NCF2: variants seen among roughly 807,000 people sequenced by gnomAD.
NCF2 encodes neutrophil cytosol factor 2.
Under a neutral mutation model 70.9 loss-of-function variants are expected in NCF2, and 45 were observed. The observed-to-expected ratio is 0.63, with a 90% CI of 0.50 to 0.81. The LOEUF (loss-of-function observed/expected upper bound fraction) is 0.81. NCF2 is among the 40% of genes least tolerant of loss of function. The probability of loss-of-function intolerance (pLI) is 0.00; values close to 1 mark genes in which losing one functional copy is unlikely to be tolerated. For missense variants in NCF2, 522 were observed against 631.6 expected (o/e 0.83, Z 1.86); for synonymous variants, 203 against 233.6 (o/e 0.87, Z 1.19).
chr1:183,579,735 T>A, intron 2 of NCF2, among the ~76,000 whole-genome samples: 1 of 71,900 alleles, frequency 1.4e-5, no homozygotes, highest in Non-Finnish European at 2.3e-5. Flanking sequence ...TGAGACTCTG[T>A]CTCAAAAAAA....
At chr1:183,575,008 C>T (rs1672733904) in intron 3 of NCF2, among the ~76,000 whole-genome samples, 1 of 152,218 alleles carries the variant, frequency 6.6e-6, no homozygotes, top group Non-Finnish European at 1.5e-5. Flanking sequence ...TAGAGGCAGA[C>T]ACAGGGTTGG....
At chr1:183,594,263 C>T (rs1408415253), upstream of NCF2, among the ~76,000 whole-genome samples, 1 of 131,484 alleles carries the variant, frequency 7.6e-6, no homozygotes, top group African/African-American at 2.9e-5. Flanking sequence ...TAAAAATTAG[C>T]CAGGCATGGT....
chr1:183,558,743 T>C (rs1410012397), intron 14 of NCF2, among the ~76,000 whole-genome samples: 1 of 151,042 alleles, frequency 6.6e-6, no homozygotes, highest in African/African-American at 2.4e-5. Context: ...TTTTACATTT[T>C]TAGTAGAGAT....
At chr1:183,590,077 G>C (rs1157293521) in intron 1 of NCF2, 79 bp downstream of exon 1, 3 of 1,596,412 alleles carry the variant, frequency 1.9e-6, no homozygotes, top group Middle Eastern at 1.7e-4. Context: ...CCAGAGGTTA[G>C]GTTTCCGAAA....
At chr1:183,585,279 G>A (rs1396020477) in intron 2 of NCF2, among the ~76,000 whole-genome samples, 3 of 151,914 alleles carry the variant, frequency 2.0e-5, no homozygotes, top group East Asian at 1.9e-4. Context: ...ATCCACGCCC[G>A]GCCTCACCCT....
At chr1:183,569,257 T>C in intron 6 of NCF2, 72 bp from the exon 7 acceptor site, 1 of 1,342,824 alleles carries the variant, frequency 7.4e-7, no homozygotes, top group South Asian at 1.2e-5. Context: ...AACAAACGGC[T>C]AATGGTAATT....
chr1:183,563,337 C>G, intron 12 of NCF2, 31 bp from the exon 13 acceptor site: 2 of 1,613,798 alleles, frequency 1.2e-6, no homozygotes, highest in Non-Finnish European at 1.7e-6. Context: ...AGAATCCAGT[C>G]AAAGAACATC....
chr1:183,599,440 T>C, the NCF2 span, among the ~76,000 whole-genome samples: 2 of 99,160 alleles, frequency 2.0e-5, no homozygotes, highest in Admixed American at 1.2e-4. Context: ...CTTTCTTTCT[T>C]TCTTTCTTTC....
intron 10 of NCF2, among the ~76,000 whole-genome samples, chr1:183,565,248 C>T (rs571103814): frequency 6.6e-6 from 1 of 152,204 alleles, no homozygotes; most frequent in East Asian, 1.9e-4. Flanking sequence ...TCAGAGAGAA[C>T]ATTTCCATTT....
intron 1 of NCF2, 114 bp from the exon 2 acceptor site, chr1:183,587,091 C>T: frequency 1.0e-6 from 1 of 993,976 alleles, no homozygotes; most frequent in Non-Finnish European, 1.6e-6. Context: ...GCTGTCTGCC[C>T]TCGTCGGCAC....
At chr1:183,580,978 C>CAAAA (rs11414367) in intron 2 of NCF2, among the ~76,000 whole-genome samples, 1 of 125,308 alleles carries the variant, frequency 8.0e-6, no homozygotes, top group Non-Finnish European at 1.6e-5. Context: ...GACTCCAACT[C>CAAAA]AAAAAAAAAA....
chr1:183,577,658 C>T lies in NCF2; in HGVS notation c.307G>A (p.Gly103Arg), dbSNP rs768193963. The T allele has an allele frequency of 1.9e-6, 3 of 1,614,008 alleles. No homozygotes were observed. Among genetic ancestry groups the T allele is most frequent in the Non-Finnish European group, 2.5e-6 (3 of 1,179,986 alleles). The change falls in exon 3 of 15, where the codon GGG becomes AGG. Residue 103 changes from glycine to arginine, a missense_variant. Physicochemically the swap from Gly to Arg is moderately radical, Grantham distance 125. Coordinates refer to ENST00000367535, the MANE Select transcript of NCF2 (RefSeq NM_000433.4). ...DLKEALIQLR[G>R]NQLIDYKILG... Reference sequence around the variant, plus strand: ...ATCTTATAGTCTATCAGCTGGTTCCCTCGAAGCTGAATCAAGGCTTCTTTA... The same window carrying T: ...ATCTTATAGTCTATCAGCTGGTTCCTTCGAAGCTGAATCAAGGCTTCTTTA...
chr1:183,563,055 G>A (rs1244200078), intron 13 of NCF2, 140 bp downstream of exon 13: 5 of 776,888 alleles, frequency 6.4e-6, no homozygotes, highest in African/African-American at 3.4e-5. Context: ...TAAAAGGGAG[G>A]CAGAGCTGTG....
chr1:183,575,195 C>T (rs1014551314), intron 3 of NCF2, among the ~76,000 whole-genome samples: 5 of 152,210 alleles, frequency 3.3e-5, no homozygotes, highest in Non-Finnish European at 4.4e-5. Flanking sequence ...ACAGGCCAGG[C>T]GCAGTGGCTC....
At chr1:183,581,183 G>T (rs1180068897) in intron 2 of NCF2, among the ~76,000 whole-genome samples, 1 of 150,180 alleles carries the variant, frequency 6.7e-6, no homozygotes, top group Non-Finnish European at 1.5e-5. Context: ...CCGGGAAGCT[G>T]AGGTTGGAGA....
upstream of NCF2, chr1:183,590,900 G>A (rs13306580): frequency 0.099 from 16,552 of 167,152 alleles, 941 homozygotes; most frequent in Admixed American, 0.16. Context: ...AATGAAACCC[G>A]TGACCTAGAG....
intron 2 of NCF2, among the ~76,000 whole-genome samples, chr1:183,581,075 AG>A: frequency 6.6e-6 from 1 of 151,936 alleles, no homozygotes; most frequent in South Asian, 2.1e-4. Flanking sequence ...TTTTAAAGAC[AG>A]GGTGGACCCG....
intron 1 of NCF2, among the ~76,000 whole-genome samples, chr1:183,588,834 G>A (rs1008613731): frequency 2.0e-5 from 3 of 152,252 alleles, no homozygotes; most frequent in Non-Finnish European, 4.4e-5. Flanking sequence ...TGAGAAGTGA[G>A]TGGTGGCCCA....
intron 14 of NCF2, among the ~76,000 whole-genome samples, chr1:183,558,433 A>G (rs1477718590): frequency 6.6e-6 from 1 of 151,256 alleles, no homozygotes; most frequent in Non-Finnish European, 1.5e-5. Flanking sequence ...ATACCCGGCT[A>G]ATTTTTGTAT....
Sources: allele counts gnomAD v4.1 joint callset (sites outside exome capture counted in the v4.1 genomes callset), GRCh38; gene constraint gnomAD v4.1.1; transcripts MANE v1.5; gene names NCBI Gene and HGNC (gene_info 2026-07-23, HGNC 2026-07-21).